Variants in RRP12 observed in about 807,000 individuals in gnomAD.
The protein encoded by RRP12 is ribosomal RNA processing 12 homolog.
Under a neutral mutation model 157.3 loss-of-function variants are expected in RRP12, and 78 were observed. That is an observed-to-expected ratio of 0.50 (90% CI 0.41 to 0.60). RRP12 has a LOEUF of 0.60. Among genes scored for constraint, RRP12 ranks in the 20% least tolerant of loss-of-function variants. RRP12 has a pLI of 0.00. For synonymous variants in RRP12, 726 were observed against 670.9 expected, an observed-to-expected ratio of 1.08 and a Z score of -1.27; for missense variants, 1,521 against 1,679.9, an observed-to-expected ratio of 0.91 and a Z score of 1.65.
chr10:97,388,347 G>C lies in RRP12; in HGVS notation c.922C>G (p.Leu308Val). The change falls in exon 8 of 34, where the codon CTG becomes GTG. Residue 308 changes from leucine to valine, a missense_variant. Transcript: ENST00000370992. ...GGCAGCAGGTCCTTCAGCAGCGTCAGCATGTGCAGCGTGGTGGTGGCCTCC... is the reference window on the plus strand; with the variant it reads ...GGCAGCAGGTCCTTCAGCAGCGTCACCATGTGCAGCGTGGTGGTGGCCTCC... ...SKEATTTLHM[L>V]TLLKDLLPCF... 1 of 1,614,000 alleles carries C rather than the reference G, an allele frequency of 6.2e-7. No individual in the cohort carries two copies. Among genetic ancestry groups the C allele is most frequent in the Non-Finnish European group, 8.5e-7 (1 of 1,180,036 alleles).
rs1272452199 is a variant in RRP12 at position 97,379,701 on chromosome 10, C to A, written c.1603G>T (p.Val535Leu). The A allele has an allele frequency of 1.2e-6, 2 of 1,614,100 alleles. No homozygotes were observed. The highest frequency in any genetic ancestry group is 2.2e-5 in the South Asian group (2 of 91,088). ...CCCATACTGGTCACCGCAGCCCCCA[C>A]TGCCTGGTCAAGAGCCGCCGTGTGG... is the stretch of plus-strand genomic sequence containing the variant. ...FPHTAALDQA[V>L]GAAVTSMGPE... The change falls in exon 14 of 34, where the codon GTG becomes TTG. Residue 535 changes from valine to leucine, a missense_variant. Physicochemically the swap from Val to Leu is conservative, Grantham distance 32 (BLOSUM62 1). Transcript: ENST00000370992.
rs760206754 is a variant in RRP12, at chr10:97,400,470, G to A, written c.204C>T (p.Arg68=). ...LHNELQSGSL[R]LGKSEAPETP... is the part of the protein sequence containing the mutation. ...TCTCCGGGGCTTCGCTTTTGCCCAA[G>A]CGCAAGGACCCTGACTGCAGCTCAT... is the stretch of plus-strand genomic sequence containing the variant. Residue 68 remains arginine (R), a synonymous_variant, in exon 2 of 34, where the codon CGC becomes CGT. Coordinates refer to ENST00000370992, the MANE Select transcript of RRP12 (RefSeq NM_015179.4). The A allele has an allele frequency of 2.4e-5, 38 of 1,614,000 alleles. No individual in the cohort carries two copies. Among genetic ancestry groups the A allele is most frequent in the African/African-American group, 5.3e-5 (4 of 74,916 alleles).
Position 97,381,798 on chromosome 10 carries a change from G to A in RRP12, c.1237C>T (p.Leu413Phe), listed in dbSNP as rs777916266. ...RLQWDLGLGH[L>F]PRFFGTAVTC... Reference sequence around the variant, plus strand: ...ACCGCAGTTCCAAAAAAGCGAGGGAGGTGGCCTAGCCCCAGGTCCCACTGC... The same window carrying A: ...ACCGCAGTTCCAAAAAAGCGAGGGAAGTGGCCTAGCCCCAGGTCCCACTGC... Residue 413 changes from leucine (L) to phenylalanine (F), a missense_variant, in exon 11 of 34, where the codon CTC (leucine) becomes TTC (phenylalanine). Leu to Phe is a conservative substitution (Grantham distance 22). Coordinates refer to ENST00000370992, the MANE Select transcript of RRP12 (RefSeq NM_015179.4). 22 of 1,614,140 alleles carry A rather than the reference G, an allele frequency of 1.4e-5. No individual in the cohort carries two copies. The highest frequency in any genetic ancestry group is 1.8e-5 in the Non-Finnish European group (21 of 1,179,988).
intron 3 of RRP12, among the ~76,000 whole-genome samples, chr10:97,395,207 T>TAC (rs1554882670): frequency 3.6e-4 from 54 of 149,972 alleles, no homozygotes; most frequent in Admixed American, 7.4e-4. Context: ...TATACACATA[T>TAC]ACACACACAC....
In RRP12 at chr10:97,389,048, G is replaced by A. The variant is rs1392670823; in HGVS notation, c.754-424C>T. Among the ~76,000 whole-genome samples, 5 of 152,294 alleles carry A rather than the reference G, an allele frequency of 3.3e-5. No homozygotes were observed. In the East Asian group the frequency reaches 9.6e-4, roughly 29 times the overall value. On this transcript the variant is annotated intron_variant, in intron 6 of 33. Coordinates refer to ENST00000370992, the MANE Select transcript of RRP12 (RefSeq NM_015179.4). ...GGAGGCAGAAAACAAATACATAACA[G>A]AAGGTTAAAAAGTACTTTGCAGATA... is the stretch of plus-strand genomic sequence containing the variant.
chr10:97,386,419 C>T (rs568253559), intron 8 of RRP12, among the ~76,000 whole-genome samples: 19 of 152,060 alleles, frequency 1.2e-4, no homozygotes, highest in African/African-American at 4.6e-4. Flanking sequence ...GTCTCAAATT[C>T]CTTGCCTCCT....
At chr10:97,390,586 G>C (rs369605730) in intron 5 of RRP12, 47 bp from the exon 6 acceptor site, 33 of 1,501,444 alleles carry the variant, frequency 2.2e-5, no homozygotes, top group African/African-American at 4.1e-5. Context: ...TCGGCCAGGA[G>C]GGAAAAGAGC....
rs534932830 is a variant in RRP12 at position 97,393,847 on chromosome 10, A to G, written c.454-87T>C. 1.8e-4 allele frequency: 199 copies of G among 1,119,712 alleles called. 1 individual carries two copies. Among genetic ancestry groups the G allele is most frequent in the Non-Finnish European group, 2.6e-4 (195 of 748,608 alleles). The allele number at this position is 1,119,712 out of a possible 1,614,324, so 69.4% of individuals were successfully genotyped here. A position where few individuals can be genotyped will look rare whatever the true frequency, so the allele number is the denominator to read the frequency against. On this transcript the variant is annotated intron_variant, in intron 3 of 33. Transcript: ENST00000370992. ...GAGTGGGGGAACATGTGCCCAGCAG[A>G]ACAGTTGTGACTGAGAACCACGGTA...
At position 97,396,225 on chromosome 10, in the gene RRP12, G is replaced by A. The variant is rs1176289036; in HGVS notation, c.446C>T (p.Ala149Val). ...GGKETETEYF[A>V]ALMTTMEAVE... ...CCAGTGGCACCCACTCACCAGAGCA[G>A]CGAAGTACTCAGTCTCCGTCTCCTT... is the stretch of plus-strand genomic sequence containing the variant. The change falls in exon 3 of 34, where the codon GCT (alanine) becomes GTT (valine). Residue 149 changes from alanine to valine, a missense_variant. Physicochemically the swap from Ala to Val is moderately conservative, Grantham distance 64. Coordinates refer to ENST00000370992, the MANE Select transcript of RRP12 (RefSeq NM_015179.4). 1 of 1,611,948 alleles carries A rather than the reference G, an allele frequency of 6.2e-7. No individual in the cohort carries two copies. The highest frequency in any genetic ancestry group is 8.5e-7 in the Non-Finnish European group (1 of 1,178,144).
intron 2 of RRP12, among the ~76,000 whole-genome samples, chr10:97,398,002 T>C (rs200937041): frequency 0.034 from 2,502 of 73,472 alleles, 90 homozygotes; most frequent in Non-Finnish European, 0.048. Flanking sequence ...CGTATATATA[T>C]ATACATATAT....
chr10:97,359,863 A>G (rs536689087), intron 31 of RRP12, among the ~76,000 whole-genome samples: 1 of 152,296 alleles, frequency 6.6e-6, no homozygotes, highest in South Asian at 2.1e-4. Flanking sequence ...CAGGCGGAAG[A>G]GCCATGAGGT....
At position 97,373,726 on chromosome 10, in the gene RRP12, G is replaced by T; in HGVS notation, c.1875C>A (p.Leu625=). ...YDTLQWQMWT[L]LPGFCTRPTD... ...TAGGCCTTGTGCAGAACCCAGGCAG[G>T]AGTGTCCACATCTGGAGAAGGAGGG... The change falls in exon 17 of 34, where the codon CTC becomes CTA. Residue 625 remains leucine, a synonymous_variant. Transcript: ENST00000370992. 1 of 1,612,934 alleles carries T rather than the reference G, an allele frequency of 6.2e-7. No homozygotes were observed. The highest frequency in any genetic ancestry group is 8.5e-7 in the Non-Finnish European group (1 of 1,179,068).
Position 97,366,566 on chromosome 10 carries a change from T to G in RRP12, c.3271A>C (p.Arg1091=). 1 of 1,614,154 alleles carries G rather than the reference T, an allele frequency of 6.2e-7. No individual in the cohort carries two copies. Among genetic ancestry groups the G allele is most frequent in the Non-Finnish European group, 8.5e-7 (1 of 1,180,044 alleles). ...EDEEDNEEEE[R]SRGKEQRKLA... is the part of the protein sequence containing the mutation. ...TTCCGCTGCTCCTTGCCTCGGCTTCTTTCCTCCTCCTCATTGTCCTCCTCG... is the reference window on the plus strand; with the variant it reads ...TTCCGCTGCTCCTTGCCTCGGCTTCGTTCCTCCTCCTCATTGTCCTCCTCG... The change falls in exon 28 of 34, where the codon AGA becomes CGA. Residue 1091 remains arginine, a synonymous_variant. Transcript: ENST00000370992.
In RRP12 at chr10:97,370,551, A is replaced by T. The variant is rs763776602; in HGVS notation, c.2593T>A (p.Cys865Ser). 1 of 1,608,882 alleles carries T rather than the reference A, an allele frequency of 6.2e-7. No individual in the cohort carries two copies. Among genetic ancestry groups the T allele is most frequent in the South Asian group, 1.1e-5 (1 of 90,810 alleles). Residue 865 changes from cysteine to serine, a missense_variant, in exon 23 of 34, where the codon TGC becomes AGC. By Grantham distance (112) the Cys-to-Ser change is moderately radical. Transcript: ENST00000370992. ...GCGCCCACCGACACCTCCTTGGTGCACAGGATCACCTGGCCAAGACAACTC... is the reference window on the plus strand; with the variant it reads ...GCGCCCACCGACACCTCCTTGGTGCTCAGGATCACCTGGCCAAGACAACTC... ...ITALIPEVIL[C>S]TKEVSVGARK...
intron 24 of RRP12, 144 bp from the exon 25 acceptor site, chr10:97,369,726 C>A: frequency 2.3e-6 from 2 of 853,106 alleles, no homozygotes; most frequent in South Asian, 3.5e-5. Context: ...TCCAATCACG[C>A]TCCATGGAGT....
intron 10 of RRP12, among the ~76,000 whole-genome samples, chr10:97,382,211 T>A (rs1221248922): frequency 6.6e-6 from 1 of 151,838 alleles, no homozygotes; most frequent in Non-Finnish European, 1.5e-5. Context: ...AGTGGTACAA[T>A]CATAGCTCAC....
At chr10:97,397,661 A>G (rs1845005491) in intron 2 of RRP12, among the ~76,000 whole-genome samples, 1 of 151,842 alleles carries the variant, frequency 6.6e-6, no homozygotes. Flanking sequence ...AACAGTGGAT[A>G]AAAAATAAAC....
At chr10:97,360,460 G>T in intron 31 of RRP12, 86 bp downstream of exon 31, 1 of 1,094,242 alleles carries the variant, frequency 9.1e-7, no homozygotes, top group Non-Finnish European at 1.4e-6. Flanking sequence ...CACCCTCATG[G>T]CCCTGCCACC....
chr10:97,372,033 C>T (rs1337486383), intron 20 of RRP12, 40 bp downstream of exon 20: 1 of 1,449,362 alleles, frequency 6.9e-7, no homozygotes, highest in Non-Finnish European at 9.6e-7. Context: ...CATCTGCCCC[C>T]AAGCGTGGCT....
Sources: gnomAD v4.1 joint callset for allele counts (sites outside exome capture counted in the v4.1 genomes callset) on GRCh38, gnomAD v4.1.1 for gene constraint, MANE v1.5 for transcripts, NCBI Gene and HGNC (gene_info 2026-07-23, HGNC 2026-07-21) for gene names.